CSNK1G3: variants seen among roughly 807,000 people sequenced by gnomAD.
The protein encoded by CSNK1G3 is casein kinase 1 gamma 3.
In CSNK1G3, 23 loss-of-function variants were observed where a neutral mutation model predicts 64.3. That is an observed-to-expected ratio of 0.36 (90% CI 0.26 to 0.51). CSNK1G3 has a LOEUF of 0.51. Ranked by LOEUF, CSNK1G3 falls within the 20% of genes least tolerant of loss-of-function variation. CSNK1G3 has a pLI of 0.96. For synonymous variants in CSNK1G3, 158 were observed against 162.2 expected (o/e 0.97, Z 0.20); for missense variants, 357 against 510.5 (o/e 0.70, Z 2.90).
intron 6 of CSNK1G3, among the ~76,000 whole-genome samples, chr5:123,586,375 C>T (rs1791330121): frequency 6.6e-6 from 1 of 152,076 alleles, no homozygotes; most frequent in South Asian, 2.1e-4. Context: ...AAACTATACC[C>T]TCAGGACTAC....
chr5:123,607,301 T>G (rs1329545066), intron 12 of CSNK1G3, among the ~76,000 whole-genome samples: 5 of 152,202 alleles, frequency 3.3e-5, no homozygotes, highest in Non-Finnish European at 7.3e-5. Flanking sequence ...ATCCTCTGTA[T>G]GTACTTCCCA....
Position 123,595,147 on chromosome 5 carries a change from T to G in CSNK1G3, c.1086+3733T>G. 6.2e-7 allele frequency: 1 copy of G among 1,610,984 alleles called. No homozygotes were observed. Among genetic ancestry groups the G allele is most frequent in the Middle Eastern group, 1.7e-4 (1 of 6,052 alleles). ...TGGCTCGGTACAGGTATTTTCTGATTTTTGCATGAGTGATTATTACCCAGA... is the reference window on the plus strand; with the variant it reads ...TGGCTCGGTACAGGTATTTTCTGATGTTTGCATGAGTGATTATTACCCAGA... On this transcript the variant is annotated intron_variant, in intron 10 of 12. Transcript: ENST00000345990.
chr5:123,585,863 C>A (rs1791230016), intron 6 of CSNK1G3, among the ~76,000 whole-genome samples: 1 of 152,044 alleles, frequency 6.6e-6, no homozygotes, highest in African/African-American at 2.4e-5. Context: ...ATGACATAAC[C>A]CCTTTGGAAA....
intron 5 of CSNK1G3, 30 bp downstream of exon 5, chr5:123,573,571 T>G: frequency 6.4e-7 from 1 of 1,552,306 alleles, no homozygotes; most frequent in Non-Finnish European, 8.7e-7. Flanking sequence ...TGAAGTTGTT[T>G]GAACAATTAC....
chr5:123,556,764 T>TTGTG (rs5871049), intron 3 of CSNK1G3, among the ~76,000 whole-genome samples: 218 of 148,864 alleles, frequency 1.5e-3, no homozygotes, highest in African/African-American at 4.5e-3. Context: ...CTGTACATGT[T>TTGTG]TGTGTGTGTG....
At chr5:123,612,459 C>T (rs553247265) in intron 12 of CSNK1G3, among the ~76,000 whole-genome samples, 6 of 150,640 alleles carry the variant, frequency 4.0e-5, no homozygotes, top group Non-Finnish European at 5.9e-5. Flanking sequence ...AATCTTTTGC[C>T]GGGTGGGACA....
intron 12 of CSNK1G3, among the ~76,000 whole-genome samples, chr5:123,611,473 A>C (rs1717499211): frequency 6.6e-6 from 1 of 152,216 alleles, no homozygotes; most frequent in Admixed American, 6.5e-5. Context: ...TGCTTGGCGT[A>C]GTTCAGTAAA....
exon 2 of CSNK1G3, chr5:123,545,739 A>T: frequency 6.2e-7 from 1 of 1,613,614 alleles, no homozygotes; most frequent in Non-Finnish European, 8.5e-7. Flanking sequence ...GGGACACAAC[A>T]CTCGAGGAAC....
intron 10 of CSNK1G3, among the ~76,000 whole-genome samples, chr5:123,599,527 T>C (rs1346320838): frequency 6.6e-6 from 1 of 152,238 alleles, no homozygotes; most frequent in Non-Finnish European, 1.5e-5. Flanking sequence ...TATCTTGAGA[T>C]GATAATAAAA....
At chr5:123,573,850 ATTTT>A (rs35902791) in intron 5 of CSNK1G3, among the ~76,000 whole-genome samples, 1 of 140,248 alleles carries the variant, frequency 7.1e-6, no homozygotes, top group Non-Finnish European at 1.5e-5. Flanking sequence ...AGAAACATAG[ATTTT>A]TTTTTTTTTT....
intron 4 of CSNK1G3, among the ~76,000 whole-genome samples, chr5:123,561,166 G>A (rs1425128182): frequency 6.6e-6 from 1 of 152,036 alleles, no homozygotes; most frequent in African/African-American, 2.4e-5. Context: ...GCTTTGCATA[G>A]GATTAGACTA....
intron 3 of CSNK1G3, among the ~76,000 whole-genome samples, chr5:123,555,223 A>C (rs1393258411): frequency 6.6e-6 from 1 of 152,132 alleles, no homozygotes; most frequent in Non-Finnish European, 1.5e-5. Flanking sequence ...TTTTGGATCT[A>C]TGTCTCTAGT....
intron 2 of CSNK1G3, among the ~76,000 whole-genome samples, chr5:123,546,576 A>G (rs1055775394): frequency 2.6e-5 from 4 of 152,078 alleles, no homozygotes; most frequent in African/African-American, 9.7e-5. Context: ...CAAAAAACTA[A>G]GAAGGAGGGT....
intron 1 of CSNK1G3, among the ~76,000 whole-genome samples, chr5:123,538,079 A>G (rs978584835): frequency 6.6e-6 from 1 of 152,300 alleles, no homozygotes; most frequent in Non-Finnish European, 1.5e-5. Context: ...TTCTTCTGTT[A>G]ATGCACATTT....
chr5:123,592,438 T>C (rs1000521789), intron 10 of CSNK1G3, among the ~76,000 whole-genome samples: 1 of 151,966 alleles, frequency 6.6e-6, no homozygotes, highest in Admixed American at 6.6e-5. Context: ...TTTTGGGCAA[T>C]GTTTTAATTT....
At chr5:123,539,817 T>G (rs1230385928) in intron 1 of CSNK1G3, among the ~76,000 whole-genome samples, 1 of 152,188 alleles carries the variant, frequency 6.6e-6, no homozygotes, top group Non-Finnish European at 1.5e-5. Context: ...ATAGATTAAG[T>G]TTTAAAAATA....
intron 10 of CSNK1G3, among the ~76,000 whole-genome samples, chr5:123,599,402 A>G (rs1304931212): frequency 6.6e-6 from 1 of 152,234 alleles, no homozygotes; most frequent in Non-Finnish European, 1.5e-5. Context: ...GGAAAACGAA[A>G]GAATAACATT....
At position 123,603,688 on chromosome 5, in the gene CSNK1G3, T is replaced by G. The variant is rs1391987172; in HGVS notation, c.1087-1036T>G. Among the ~76,000 whole-genome samples, 5 of 152,254 alleles carry G rather than the reference T, an allele frequency of 3.3e-5. No homozygotes were observed. In the South Asian group the frequency reaches 1.0e-3, roughly 32 times the overall value. ...AAAGGCCTGTCTCAGAGATGCTGTT[T>G]GAGAATCTGAAAGATGAGAAGTCAG... On this transcript the variant is annotated intron_variant, in intron 10 of 12. Transcript: ENST00000345990.
intron 4 of CSNK1G3, 134 bp from the exon 5 acceptor site, chr5:123,573,259 A>G (rs1788475486): frequency 3.3e-6 from 3 of 904,160 alleles, no homozygotes; most frequent in Middle Eastern, 2.9e-4. Flanking sequence ...TGGTCAGGAA[A>G]AGTATGTATC....
Sources: gnomAD v4.1 joint callset for allele counts (sites outside exome capture counted in the v4.1 genomes callset) on GRCh38, gnomAD v4.1.1 for gene constraint, MANE v1.5 for transcripts, NCBI Gene and HGNC (gene_info 2026-07-23, HGNC 2026-07-21) for gene names.